The following DNAH9 variants were observed in gnomAD, a reference collection of about 807,000 sequenced individuals.
The protein encoded by DNAH9 is DNAH9 variant protein.
A neutral mutation model predicts 471.6 loss-of-function variants in DNAH9; 345 were observed. The ratio of observed to expected loss-of-function variants is 0.73; its 90% confidence interval spans 0.67 to 0.80. DNAH9 has a LOEUF of 0.80. Among genes scored for constraint, DNAH9 ranks in the 30% least tolerant of loss-of-function variants. DNAH9 has a pLI of 0.00. For missense variants in DNAH9, 5,407 were observed against 5,609.2 expected, an observed-to-expected ratio of 0.96 and a Z score of 1.15; for synonymous variants, 2,093 against 2,123.6, an observed-to-expected ratio of 0.99 and a Z score of 0.40.
At chr17:11,727,438 A>T (rs1291322282) in intron 27 of DNAH9, among the ~76,000 whole-genome samples, 3 of 152,170 alleles carry the variant, frequency 2.0e-5, no homozygotes, top group African/African-American at 7.2e-5. Context: ...AAATTTAAAG[A>T]TACAGACGTA....
intron 8 of DNAH9, among the ~76,000 whole-genome samples, chr17:11,633,342 C>A (rs927925556): frequency 2.0e-5 from 3 of 152,176 alleles, no homozygotes; most frequent in Admixed American, 2.0e-4. Context: ...CAAGAAGTCA[C>A]ATTGTGGTTC....
At chr17:11,968,356 T>TA (rs1398230838) in intron 68 of DNAH9, among the ~76,000 whole-genome samples, 1 of 152,208 alleles carries the variant, frequency 6.6e-6, no homozygotes, top group Non-Finnish European at 1.5e-5. Context: ...TCCTTCCCTT[T>TA]AAATAAATTT....
At chr17:11,956,113 C>A (rs892321379) in intron 67 of DNAH9, among the ~76,000 whole-genome samples, 1 of 151,914 alleles carries the variant, frequency 6.6e-6, no homozygotes. Context: ...AAAAAAACTA[C>A]GTATCCAGCT....
intron 65 of DNAH9, among the ~76,000 whole-genome samples, chr17:11,934,341 A>G (rs532460566): frequency 6.7e-6 from 1 of 149,628 alleles, no homozygotes; most frequent in South Asian, 2.2e-4. Context: ...TCGATTCTTG[A>G]TGATTGGTTC....
intron 50 of DNAH9, among the ~76,000 whole-genome samples, chr17:11,857,031 C>T (rs1401541512): frequency 1.3e-5 from 2 of 152,054 alleles, no homozygotes; most frequent in Non-Finnish European, 2.9e-5. Context: ...AGCCCATATT[C>T]CTGCTTTTTG....
intron 2 of DNAH9, among the ~76,000 whole-genome samples, chr17:11,609,351 A>G (rs1266061440): frequency 6.6e-6 from 1 of 152,248 alleles, no homozygotes; most frequent in Non-Finnish European, 1.5e-5. Context: ...CCAATCTTCA[A>G]AATAAATAAA....
In DNAH9 at chr17:11,646,931, T is replaced by G. The variant is rs576701920; in HGVS notation, c.1971-141T>G. 32 of 668,770 alleles carry G rather than the reference T, an allele frequency of 4.8e-5. No individual in the cohort carries two copies. In the Admixed American group the frequency reaches 8.8e-4, roughly 18 times the overall value. 41.4% of individuals were successfully genotyped at this position (668,770 alleles called of 1,614,324 possible). On this transcript the variant is annotated intron_variant, in intron 11 of 68. Transcript: ENST00000262442. ...TCTGTCTCAAAAAGAAAGAAAGAAA[T>G]TTGTGGTTACTCTCAGAAGCTGACC...
At chr17:11,823,810 G>T (rs1051546558) in intron 48 of DNAH9, among the ~76,000 whole-genome samples, 4 of 151,928 alleles carry the variant, frequency 2.6e-5, no homozygotes, top group Non-Finnish European at 4.4e-5. Context: ...GGTGCCTGTA[G>T]TCCCAGCCAC....
intron 19 of DNAH9, among the ~76,000 whole-genome samples, chr17:11,681,518 C>T (rs1216028290): frequency 6.6e-6 from 1 of 152,174 alleles, no homozygotes; most frequent in Non-Finnish European, 1.5e-5. Flanking sequence ...ATCAACGGCT[C>T]CAACCAGGAG....
At chr17:11,772,494 G>A (rs1165457483) in intron 38 of DNAH9, among the ~76,000 whole-genome samples, 2 of 151,812 alleles carry the variant, frequency 1.3e-5, no homozygotes, top group Admixed American at 6.6e-5. Context: ...ACAGAGTCTC[G>A]CTCTCTCACC....
chr17:11,692,564 T>C (rs1272748225), intron 20 of DNAH9, among the ~76,000 whole-genome samples: 1 of 152,224 alleles, frequency 6.6e-6, no homozygotes, highest in East Asian at 1.9e-4. Flanking sequence ...TTAGATCCAC[T>C]ATCTACTTAC....
intron 41 of DNAH9, among the ~76,000 whole-genome samples, chr17:11,791,007 T>C (rs1969045361): frequency 6.6e-6 from 1 of 152,194 alleles, no homozygotes; most frequent in African/African-American, 2.4e-5. Context: ...TAAGTCAGCA[T>C]TCCTTTAGAG....
chr17:11,774,787 A>C (rs1968353379), intron 38 of DNAH9, among the ~76,000 whole-genome samples: 1 of 152,202 alleles, frequency 6.6e-6, no homozygotes, highest in Admixed American at 6.5e-5. Context: ...TGTGTGAATA[A>C]ATCACAGCTC....
intron 65 of DNAH9, among the ~76,000 whole-genome samples, chr17:11,936,818 C>T (rs928191758): frequency 2.6e-5 from 4 of 152,160 alleles, no homozygotes; most frequent in African/African-American, 9.7e-5. Flanking sequence ...GGGGCGCAAA[C>T]TCTCCAGTTC....
intron 49 of DNAH9, among the ~76,000 whole-genome samples, chr17:11,842,104 G>T (rs1217742079): frequency 6.6e-6 from 1 of 152,076 alleles, no homozygotes; most frequent in African/African-American, 2.4e-5. Context: ...AATAAAAAAA[G>T]ATTTTAAAAT....
At chr17:11,953,675 G>C (rs1407289827) in intron 67 of DNAH9, among the ~76,000 whole-genome samples, 1 of 151,220 alleles carries the variant, frequency 6.6e-6, no homozygotes, top group Non-Finnish European at 1.5e-5. Context: ...AGCCAGGCGT[G>C]GTGGCAGGCG....
chr17:11,616,606 G>T (rs2072750211), intron 4 of DNAH9, among the ~76,000 whole-genome samples: 1 of 152,162 alleles, frequency 6.6e-6, no homozygotes, highest in Non-Finnish European at 1.5e-5. Flanking sequence ...AGAGGAGATG[G>T]TAAGAGATTT....
chr17:11,688,461 G>A (rs540997806), intron 19 of DNAH9, among the ~76,000 whole-genome samples: 1 of 152,316 alleles, frequency 6.6e-6, no homozygotes, highest in East Asian at 1.9e-4. Context: ...GAAGGAAAGT[G>A]ACCACGATTA....
At chr17:11,799,921 G>T (rs1017756947) in intron 43 of DNAH9, among the ~76,000 whole-genome samples, 7 of 152,174 alleles carry the variant, frequency 4.6e-5, no homozygotes, top group African/African-American at 1.7e-4. Context: ...CCCCTAAGCA[G>T]CTAGATACTG....
Sources: gnomAD v4.1 joint callset for allele counts (sites outside exome capture counted in the v4.1 genomes callset) on GRCh38, gnomAD v4.1.1 for gene constraint, MANE v1.5 for transcripts, NCBI Gene and HGNC (gene_info 2026-07-23, HGNC 2026-07-21) for gene names.